Variants in FANCM observed in about 807,000 individuals in gnomAD.
FANCM encodes the protein FA complementation group M.
A neutral mutation model predicts 199.5 loss-of-function variants in FANCM; 140 were observed. That is an observed-to-expected ratio of 0.70 (90% CI 0.61 to 0.81). The LOEUF is 0.81. Among genes scored for constraint, FANCM ranks in the 30% least tolerant of loss-of-function variants. The pLI, the probability that FANCM is intolerant of heterozygous loss-of-function variation, is 0.00. For synonymous variants in FANCM, 840 were observed against 836.8 expected, an observed-to-expected ratio of 1.00 and a Z score of -0.07; for missense variants, 2,410 against 2,421.4, an observed-to-expected ratio of 1.00 and a Z score of 0.10.
intron 14 of FANCM, among the ~76,000 whole-genome samples, chr14:45,180,313 A>G (rs1293416937): frequency 6.6e-6 from 1 of 152,158 alleles, no homozygotes; most frequent in East Asian, 1.9e-4. Flanking sequence ...GTTATCTGAG[A>G]GCTTGAATAG....
intron 1 of FANCM, among the ~76,000 whole-genome samples, chr14:45,136,818 A>G (rs771552022): frequency 2.5e-4 from 38 of 152,232 alleles, no homozygotes; most frequent in Non-Finnish European, 4.6e-4. Flanking sequence ...TCAGTTGAAG[A>G]ATTTGCCTCT....
Position 45,155,475 on chromosome 14 carries a change from T to C in FANCM, c.1396+16T>C, listed in dbSNP as rs761359873. 1 of 1,296,950 alleles carries C rather than the reference T, an allele frequency of 7.7e-7. No individual in the cohort carries two copies. The highest frequency in any genetic ancestry group is 2.3e-5 in the East Asian group (1 of 42,974). 80.3% of individuals were successfully genotyped at this position (1,296,950 alleles called of 1,614,324 possible). A position where few individuals can be genotyped will look rare whatever the true frequency, so the allele number is the denominator to read the frequency against. On this transcript the variant is annotated intron_variant, in intron 8 of 22. Transcript: ENST00000267430. ...TCATGGAATGGTAGGTCATATTTAG[T>C]AGCTTTAAGGCAAGACAAAGTTATT...
At position 45,176,315 on chromosome 14, in the gene FANCM, T is replaced by A; in HGVS notation, c.3561T>A (p.Asn1187Lys). 1 of 1,613,990 alleles carries A rather than the reference T, an allele frequency of 6.2e-7. No individual in the cohort carries two copies. The highest frequency in any genetic ancestry group is 1.1e-5 in the South Asian group (1 of 91,078). The change falls in exon 14 of 23, where the codon AAT becomes AAA. Residue 1187 changes from asparagine to lysine, a missense_variant. Coordinates refer to ENST00000267430, the MANE Select transcript of FANCM (RefSeq NM_020937.4). ...CTGATGAACTTTTGTTGGACAATAA[T>A]TCTGAACTCCAAGATCAAATCACCC... ...LISDELLLDNNSELQDQITRD... is the reference protein window; with the variant it reads ...LISDELLLDNKSELQDQITRD...
Position 45,175,409 on chromosome 14 carries a change from T to C in FANCM, c.2655T>C (p.Thr885=). The C allele has an allele frequency of 1.9e-6, 3 of 1,573,730 alleles. No individual in the cohort carries two copies. The highest frequency in any genetic ancestry group is 2.6e-6 in the Non-Finnish European group (3 of 1,158,512). The change falls in exon 14 of 23, where the codon ACT becomes ACC. Residue 885 remains threonine (T), a synonymous_variant. Coordinates refer to ENST00000267430, the MANE Select transcript of FANCM (RefSeq NM_020937.4). Reference sequence around the variant, plus strand: ...CTGTAGATAATGACAGAAATTCCACTGTTGAAAATATTTTTCAAGAAGACC... The same window carrying C: ...CTGTAGATAATGACAGAAATTCCACCGTTGAAAATATTTTTCAAGAAGACC... ...IDSVDNDRNS[T]VENIFQEDLP... is the part of the protein sequence containing the mutation.
chr14:45,200,035 A>G lies in FANCM; in HGVS notation c.*27A>G, dbSNP rs199885636. The G allele has an allele frequency of 4.5e-6, 7 of 1,558,020 alleles. No homozygotes were observed. The highest frequency in any genetic ancestry group is 6.2e-6 in the Non-Finnish European group (7 of 1,132,910). On this transcript the variant is annotated 3_prime_UTR_variant, in exon 23 of 23. Coordinates refer to ENST00000267430, the MANE Select transcript of FANCM (RefSeq NM_020937.4). ...CAAGCTGCTCAAGATGGGGTTTTCA[A>G]AGACCTCTCACAATATTAAATGCAC...
intron 3 of FANCM, among the ~76,000 whole-genome samples, chr14:45,141,890 A>G (rs1303147810): frequency 1.3e-5 from 2 of 150,886 alleles, no homozygotes; most frequent in Non-Finnish European, 2.9e-5. Flanking sequence ...TGCCCAGCCC[A>G]GGAGTTTCTT....
In FANCM at chr14:45,185,363, G is replaced by C; in HGVS notation, c.4662G>C (p.Gln1554His). ...DFLNDETQLS[Q>H]AINDSEMRAI... ...TAAATGATGAAACTCAACTTTCACA[G>C]GCTATAAATGGTAAATGTTATAATG... The change falls in exon 18 of 23, where the codon CAG becomes CAC. Residue 1554 changes from glutamine to histidine, a missense_variant. By Grantham distance (24) the Gln-to-His change is conservative (BLOSUM62 0). Transcript: ENST00000267430. The C allele has an allele frequency of 1.3e-6, 2 of 1,576,956 alleles. No individual in the cohort carries two copies. Among genetic ancestry groups the C allele is most frequent in the Non-Finnish European group, 1.7e-6 (2 of 1,153,594 alleles).
chr14:45,192,839 A>G lies in FANCM; in HGVS notation c.5341-3333A>G, dbSNP rs149269217. Among the ~76,000 whole-genome samples the G allele has an allele frequency of 6.1e-3, 923 of 152,056 alleles. 7 individuals carry two copies. The highest frequency in any genetic ancestry group is 9.6e-3 in the Non-Finnish European group (652 of 67,966). ...ATGAGACTCTGTCTAAAAAAAAAAA[A>G]TTAAAAAAAAATTTCAGCTAAAACG... On this transcript the variant is annotated intron_variant, in intron 20 of 22. Coordinates refer to ENST00000267430, the MANE Select transcript of FANCM (RefSeq NM_020937.4).
At chr14:45,176,997 A>G (rs1231933788) in intron 14 of FANCM, 21 bp downstream of exon 14, 5 of 1,412,918 alleles carry the variant, frequency 3.5e-6, no homozygotes, top group Middle Eastern at 3.9e-4. Flanking sequence ...ATCTTTATAA[A>G]GTCTATAACT....
chr14:45,187,368 T>C (rs1041246207), intron 18 of FANCM, among the ~76,000 whole-genome samples: 1 of 152,132 alleles, frequency 6.6e-6, no homozygotes, highest in Non-Finnish European at 1.5e-5. Context: ...TTATGAAATA[T>C]ACTTTTTATT....
chr14:45,135,967 A>G lies in FANCM; in HGVS notation c.-65A>G. The stretch of plus-strand genomic sequence containing the variant: ...GCGAAGGAAACCGATGGGGATCGGA[A>G]CCGTAGCGGTTGAGCTGCTGCTGCT... On this transcript the variant is annotated 5_prime_UTR_variant, in exon 1 of 23. Coordinates refer to ENST00000267430, the MANE Select transcript of FANCM (RefSeq NM_020937.4). The G allele has an allele frequency of 6.4e-7, 1 of 1,562,772 alleles. No individual in the cohort carries two copies. The highest frequency in any genetic ancestry group is 8.8e-7 in the Non-Finnish European group (1 of 1,136,684).
At chr14:45,187,723 T>C in intron 18 of FANCM, 58 bp from the exon 19 acceptor site, 1 of 792,254 alleles carries the variant, frequency 1.3e-6, no homozygotes, top group Non-Finnish European at 2.2e-6. Context: ...GTTAAATACT[T>C]TACTGGTTTT....
intron 14 of FANCM, among the ~76,000 whole-genome samples, chr14:45,181,193 CA>C (rs1889043751): frequency 6.6e-6 from 1 of 152,142 alleles, no homozygotes; most frequent in South Asian, 2.1e-4. Context: ...GAACTTCATT[CA>C]AATATGTGTT....
intron 21 of FANCM, among the ~76,000 whole-genome samples, chr14:45,197,862 C>G (rs1393263516): frequency 6.6e-6 from 1 of 151,602 alleles, no homozygotes; most frequent in Admixed American, 6.6e-5. Flanking sequence ...CTCCTGTGTT[C>G]AAGTGATTCT....
At position 45,137,367 on chromosome 14, in the gene FANCM, CAG is replaced by C. The variant is rs555664813; in HGVS notation, c.681+128_681+129del. On this transcript the variant is annotated intron_variant, in intron 2 of 22. Transcript: ENST00000267430. ...TAAAAAGCCTTTACGTCTATTATCT[CAG>C]AACAGATGGTGATAAAGAATATCTG... The C allele has an allele frequency of 6.5e-5, 48 of 736,784 alleles. No individual in the cohort carries two copies. The East Asian group carries it at 1.2e-3, about 18-fold the overall frequency. The allele number at this position is 736,784 out of a possible 1,614,324, so 45.6% of individuals were successfully genotyped here.
intron 20 of FANCM, chr14:45,195,526 GCA>G: frequency 2.2e-6 from 1 of 456,536 alleles, no homozygotes; most frequent in Non-Finnish European, 4.4e-6. Context: ...CTCTGCCTCT[GCA>G]AAAAGAGGAG....
At chr14:45,138,388 G>C (rs1594753105) in intron 2 of FANCM, among the ~76,000 whole-genome samples, 1 of 152,192 alleles carries the variant, frequency 6.6e-6, no homozygotes, top group East Asian at 1.9e-4. Context: ...TTATATCTCT[G>C]TATTAGGGAT....
intron 3 of FANCM, among the ~76,000 whole-genome samples, chr14:45,147,657 G>T (rs554029229): frequency 1.3e-5 from 2 of 152,178 alleles, no homozygotes; most frequent in African/African-American, 4.8e-5. Flanking sequence ...ACTTTAGGAG[G>T]CCAAGGTGGG....
intron 5 of FANCM, 40 bp from the exon 6 acceptor site, chr14:45,153,880 T>G: frequency 6.4e-7 from 1 of 1,571,772 alleles, no homozygotes; most frequent in Non-Finnish European, 8.8e-7. Flanking sequence ...GTATGTTCAT[T>G]TATTTCTCTG....
Sources: allele counts gnomAD v4.1 joint callset (sites outside exome capture counted in the v4.1 genomes callset), GRCh38; gene constraint gnomAD v4.1.1; transcripts MANE v1.5; gene names NCBI Gene and HGNC (gene_info 2026-07-23, HGNC 2026-07-21).